The following HAO1 variants were observed in gnomAD, a reference collection of about 807,000 sequenced individuals.
HAO1 encodes the protein 2-Hydroxyacid oxidase 1.
A neutral mutation model predicts 39.7 loss-of-function variants in HAO1; 34 were observed. The ratio of observed to expected loss-of-function variants is 0.86; its 90% CI spans 0.65 to 1.14. HAO1 has a LOEUF of 1.14. HAO1 is among the 50% of genes most tolerant of loss of function. The pLI is 0.00. For missense variants in HAO1, 479 were observed against 464.5 expected (o/e 1.03, Z -0.29); for synonymous variants, 172 against 173.2 (o/e 0.99, Z 0.05).
chr20:7,890,212 T>TC (rs1379138614), intron 5 of HAO1, among the ~76,000 whole-genome samples: 2 of 151,820 alleles, frequency 1.3e-5, no homozygotes, highest in Non-Finnish European at 2.9e-5. Flanking sequence ...TTTGTTTTTT[T>TC]TTGTTTTGTT....
chr20:7,889,618 GT>G (rs1326252757), intron 5 of HAO1, among the ~76,000 whole-genome samples: 7 of 152,140 alleles, frequency 4.6e-5, no homozygotes, highest in African/African-American at 1.7e-4. Flanking sequence ...ATGAACTGAA[GT>G]TAAATTATTG....
At chr20:7,907,826 C>G (rs1178530384) in intron 3 of HAO1, among the ~76,000 whole-genome samples, 1 of 152,146 alleles carries the variant, frequency 6.6e-6, no homozygotes, top group African/African-American at 2.4e-5. Flanking sequence ...TGGATGACTT[C>G]AGGATACACA....
intron 2 of HAO1, among the ~76,000 whole-genome samples, chr20:7,931,358 G>A (rs2050384808): frequency 6.6e-6 from 1 of 152,092 alleles, no homozygotes. Context: ...TTCTCCTCAT[G>A]ACACTTCATA....
intron 5 of HAO1, among the ~76,000 whole-genome samples, chr20:7,893,589 C>G (rs1372665981): frequency 2.0e-5 from 3 of 152,152 alleles, no homozygotes; most frequent in African/African-American, 7.2e-5. Context: ...GTTGGCACCA[C>G]TGTCTGATAA....
chr20:7,913,399 A>G (rs2050289838), intron 3 of HAO1, among the ~76,000 whole-genome samples: 2 of 152,280 alleles, frequency 1.3e-5, no homozygotes, highest in Non-Finnish European at 2.9e-5. Context: ...CCAAGAGCAC[A>G]TTTTGGTGGA....
At chr20:7,908,384 G>C (rs970657084) in intron 3 of HAO1, among the ~76,000 whole-genome samples, 1 of 145,146 alleles carries the variant, frequency 6.9e-6, no homozygotes, top group African/African-American at 2.6e-5. Flanking sequence ...GCAAGACTCT[G>C]TCTCAAAATA....
chr20:7,888,096 G>A (rs746357840), intron 5 of HAO1, among the ~76,000 whole-genome samples: 6 of 152,010 alleles, frequency 3.9e-5, no homozygotes, highest in Non-Finnish European at 7.3e-5. Flanking sequence ...AAGTAATTGT[G>A]GGTTTAACTC....
At chr20:7,913,838 T>C (rs1568515677) in intron 3 of HAO1, among the ~76,000 whole-genome samples, 1 of 152,214 alleles carries the variant, frequency 6.6e-6, no homozygotes, top group Admixed American at 6.5e-5. Context: ...GGTGGCTCTT[T>C]GACTTTAACA....
chr20:7,940,239 T>A, intron 1 of HAO1, 47 bp downstream of exon 1: 1 of 1,471,616 alleles, frequency 6.8e-7, no homozygotes, highest in Non-Finnish European at 9.3e-7. Context: ...TTTGGTACGG[T>A]CTTTGTGTAA....
chr20:7,893,357 T>C (rs538275192), intron 5 of HAO1, among the ~76,000 whole-genome samples: 33 of 152,286 alleles, frequency 2.2e-4, no homozygotes, highest in African/African-American at 7.7e-4. Flanking sequence ...ACAAAGATGA[T>C]AACAGCTCTT....
At chr20:7,937,053 T>G (rs2050416200) in intron 1 of HAO1, among the ~76,000 whole-genome samples, 1 of 152,038 alleles carries the variant, frequency 6.6e-6, no homozygotes, top group African/African-American at 2.4e-5. Context: ...AATAAACCGT[T>G]TTCAAAGGAT....
intron 4 of HAO1, among the ~76,000 whole-genome samples, chr20:7,902,183 C>CT (rs1170679644): frequency 1.3e-5 from 2 of 152,194 alleles, no homozygotes; most frequent in Non-Finnish European, 2.9e-5. Flanking sequence ...TTTGAGAGGA[C>CT]TGACTCCAAT....
intron 7 of HAO1, 135 bp downstream of exon 7, chr20:7,885,386 A>T (rs1401950973): frequency 1.5e-6 from 1 of 654,032 alleles, no homozygotes; most frequent in African/African-American, 1.8e-5. Flanking sequence ...AAAGCTGTAA[A>T]TATGGAGTCA....
intron 2 of HAO1, among the ~76,000 whole-genome samples, chr20:7,926,104 G>A (rs1269215503): frequency 6.6e-6 from 1 of 152,036 alleles, no homozygotes; most frequent in Admixed American, 6.6e-5. Flanking sequence ...GCATGTCACT[G>A]ACTTTTTATT....
At chr20:7,907,464 T>C (rs1240850590) in intron 3 of HAO1, among the ~76,000 whole-genome samples, 4 of 152,134 alleles carry the variant, frequency 2.6e-5, no homozygotes, top group Admixed American at 6.5e-5. Flanking sequence ...GCTGTCTTGG[T>C]ATTATGCCCT....
chr20:7,899,678 G>C (rs1489630380), intron 4 of HAO1, among the ~76,000 whole-genome samples: 1 of 152,160 alleles, frequency 6.6e-6, no homozygotes, highest in East Asian at 1.9e-4. Flanking sequence ...TTTATAACCA[G>C]ATATAAGCCC....
chr20:7,907,298 C>G (rs576392473), intron 3 of HAO1, among the ~76,000 whole-genome samples: 5 of 152,250 alleles, frequency 3.3e-5, no homozygotes, highest in African/African-American at 1.2e-4. Context: ...GCTCCTGGGC[C>G]TGAGTCACAA....
At chr20:7,898,152 C>G (rs997736146) in intron 4 of HAO1, among the ~76,000 whole-genome samples, 4 of 152,158 alleles carry the variant, frequency 2.6e-5, no homozygotes, top group African/African-American at 7.2e-5. Flanking sequence ...AGGGTGGGAG[C>G]AGGATTGCTG....
At chr20:7,926,641 G>A (rs934132462) in intron 2 of HAO1, among the ~76,000 whole-genome samples, 1 of 152,144 alleles carries the variant, frequency 6.6e-6, no homozygotes, top group African/African-American at 2.4e-5. Context: ...ACACCCTAAT[G>A]CAGTCATCTG....
Sources: allele counts gnomAD v4.1 joint callset (sites outside exome capture counted in the v4.1 genomes callset), GRCh38; gene constraint gnomAD v4.1.1; transcripts MANE v1.5; gene names NCBI Gene and HGNC (gene_info 2026-07-23, HGNC 2026-07-21).